BABAM2: variants seen among roughly 807,000 people sequenced by gnomAD.
BABAM2 encodes BRISC and BRCA1-A complex member 2.
In BABAM2, 31 loss-of-function variants were observed where a neutral mutation model predicts 54.7. The observed-to-expected ratio is 0.57, with a 90% confidence interval of 0.43 to 0.77. The LOEUF (loss-of-function observed/expected upper bound fraction) is 0.77, where lower values mean the gene tolerates loss of function less well. BABAM2 is among the 30% of genes least tolerant of loss of function. The pLI, the probability that BABAM2 is intolerant of heterozygous loss-of-function variation, is 0.00. For missense variants in BABAM2, 364 were observed against 455.8 expected, an observed-to-expected ratio of 0.80 and a Z score of 1.83; for synonymous variants, 167 against 162.9, an observed-to-expected ratio of 1.03 and a Z score of -0.19.
chr2:28,106,396 A>G (rs1667528566), intron 6 of BABAM2, among the ~76,000 whole-genome samples: 1 of 152,160 alleles, frequency 6.6e-6, no homozygotes, highest in Admixed American at 6.5e-5. Context: ...ATGACCTACC[A>G]TGCCTGGTTC....
At chr2:28,233,081 C>T (rs1362036622) in intron 7 of BABAM2, 1 of 347,598 alleles carries the variant, frequency 2.9e-6, no homozygotes, top group Non-Finnish European at 6.0e-6. Flanking sequence ...TTATTTTATT[C>T]CATGAAGAGA....
At chr2:28,300,033 G>A (rs1331878685) in intron 11 of BABAM2, among the ~76,000 whole-genome samples, 2 of 152,190 alleles carry the variant, frequency 1.3e-5, no homozygotes, top group Non-Finnish European at 2.9e-5. Flanking sequence ...CCACCTCCCA[G>A]GATCAAGCAA....
chr2:28,089,953 A>G (rs1218910680), intron 6 of BABAM2, among the ~76,000 whole-genome samples: 2 of 151,604 alleles, frequency 1.3e-5, no homozygotes, highest in Non-Finnish European at 2.9e-5. Flanking sequence ...TTAGGGATTT[A>G]TTATTTATAT....
chr2:28,132,291 A>C (rs1670154912), intron 7 of BABAM2, among the ~76,000 whole-genome samples: 2 of 151,610 alleles, frequency 1.3e-5, no homozygotes, highest in Admixed American at 6.6e-5. Flanking sequence ...GGCGCCCGCC[A>C]CCACGCCCGG....
intron 10 of BABAM2, among the ~76,000 whole-genome samples, chr2:28,256,333 A>G (rs1053129109): frequency 1.3e-5 from 2 of 152,234 alleles, no homozygotes; most frequent in Admixed American, 1.3e-4. Context: ...TATTAGTACC[A>G]AAGTTATTAC....
intron 5 of BABAM2, among the ~76,000 whole-genome samples, chr2:28,031,022 C>A (rs1416251426): frequency 2.6e-5 from 4 of 152,078 alleles, no homozygotes; most frequent in Non-Finnish European, 5.9e-5. Context: ...AAGTTCAGAT[C>A]TTTAAGTAGA....
At chr2:27,923,425 C>G (rs1667470560) in intron 2 of BABAM2, among the ~76,000 whole-genome samples, 2 of 151,864 alleles carry the variant, frequency 1.3e-5, no homozygotes, top group African/African-American at 4.8e-5. Flanking sequence ...TCGAGACCAG[C>G]CTGGGCAAAG....
intron 3 of BABAM2, among the ~76,000 whole-genome samples, chr2:27,951,912 T>G (rs1264362569): frequency 6.6e-6 from 1 of 152,216 alleles, no homozygotes; most frequent in East Asian, 1.9e-4. Context: ...GGTTTATGTT[T>G]AAATGTGTAC....
intron 8 of BABAM2, among the ~76,000 whole-genome samples, chr2:28,240,802 G>T (rs938331145): frequency 6.6e-6 from 1 of 150,778 alleles, no homozygotes; most frequent in Admixed American, 6.6e-5. Flanking sequence ...CCCAGGAGGT[G>T]GAGGTTGCAG....
chr2:28,178,735 C>G (rs2147875004), intron 7 of BABAM2, among the ~76,000 whole-genome samples: 1 of 149,784 alleles, frequency 6.7e-6, no homozygotes, highest in Middle Eastern at 3.5e-3. Context: ...AGCAAAAAAA[C>G]TCCTAGCTAG....
At chr2:28,287,239 T>G (rs1686899506) in intron 10 of BABAM2, among the ~76,000 whole-genome samples, 1 of 152,264 alleles carries the variant, frequency 6.6e-6, no homozygotes, top group South Asian at 2.1e-4. Flanking sequence ...TTTGAATATA[T>G]TGTAATTTAT....
chr2:28,067,044 G>A (rs1558305169), intron 6 of BABAM2, among the ~76,000 whole-genome samples: 1 of 152,190 alleles, frequency 6.6e-6, no homozygotes, highest in Non-Finnish European at 1.5e-5. Flanking sequence ...TGATTCTCCT[G>A]CCTCAGCCTC....
intron 7 of BABAM2, among the ~76,000 whole-genome samples, chr2:28,206,817 TACA>T (rs974941836): frequency 3.9e-5 from 6 of 152,238 alleles, no homozygotes; most frequent in African/African-American, 1.4e-4. Flanking sequence ...TTACTACTCT[TACA>T]ACATTATTTG....
At chr2:28,247,625 C>G (rs1683020669) in intron 10 of BABAM2, among the ~76,000 whole-genome samples, 1 of 152,152 alleles carries the variant, frequency 6.6e-6, no homozygotes, top group Non-Finnish European at 1.5e-5. Flanking sequence ...TAGAGCCATT[C>G]CCCTGTGGCT....
chr2:28,132,150 T>TG (rs1327507058), intron 7 of BABAM2, among the ~76,000 whole-genome samples: 1 of 151,146 alleles, frequency 6.6e-6, no homozygotes, highest in East Asian at 1.9e-4. Flanking sequence ...TTCTTTTTTT[T>TG]TTTTTTGAGA....
intron 3 of BABAM2, among the ~76,000 whole-genome samples, chr2:27,945,689 A>C (rs1451916087): frequency 1.3e-5 from 2 of 152,166 alleles, no homozygotes; most frequent in Non-Finnish European, 2.9e-5. Flanking sequence ...GGTCACTTTT[A>C]ATTGCTCTGA....
chr2:28,025,500 T>A (rs1158908854), intron 5 of BABAM2, 80 bp downstream of exon 5: 2 of 1,328,334 alleles, frequency 1.5e-6, no homozygotes, highest in African/African-American at 3.0e-5. Flanking sequence ...TTGTAAATCC[T>A]AGTCATTTCT....
intron 7 of BABAM2, among the ~76,000 whole-genome samples, chr2:28,192,517 CTTTTTT>C (rs58587872): frequency 0.23 from 28,174 of 120,240 alleles, 3,091 homozygotes; most frequent in Non-Finnish European, 0.33. Context: ...GTTTATAGCT[CTTTTTT>C]TTTTTTTTTT....
At chr2:28,276,544 C>T (rs563283953) in intron 10 of BABAM2, among the ~76,000 whole-genome samples, 186 of 152,290 alleles carry the variant, frequency 1.2e-3, no homozygotes, top group African/African-American at 4.3e-3. Flanking sequence ...CGCTGGGTAA[C>T]GTGCCCATTG....
Sources: gnomAD v4.1 joint callset for allele counts (sites outside exome capture counted in the v4.1 genomes callset) on GRCh38, gnomAD v4.1.1 for gene constraint, MANE v1.5 for transcripts, NCBI Gene and HGNC (gene_info 2026-07-23, HGNC 2026-07-21) for gene names.